The following PKIB variants were observed in gnomAD, a reference collection of about 807,000 sequenced individuals.
PKIB encodes cAMP-dependent protein kinase inhibitor beta, also known as PKI-beta.
PKIB carries 2 observed loss-of-function variants against 4.5 expected under a neutral mutation model. The ratio of observed to expected loss-of-function variants is 0.44; its 90% CI spans 0.18 to 1.39. The LOEUF is 1.39. Ranked by LOEUF, PKIB falls within the 40% of genes most tolerant of loss-of-function variation. The pLI is 0.27. For missense variants in PKIB, 94 were observed against 92.6 expected (o/e 1.02, Z -0.06); for synonymous variants, 38 against 36.0 (o/e 1.06, Z -0.20).
At chr6:122,671,294 A>C (rs1182891146) in intron 2 of PKIB, among the ~76,000 whole-genome samples, 1 of 151,982 alleles carries the variant, frequency 6.6e-6, no homozygotes, top group East Asian at 1.9e-4. Context: ...CTGTCTCAAA[A>C]AAAAAAAAAA....
At position 122,542,200 on chromosome 6, in the gene PKIB, G is replaced by T. The variant is rs534929486; in HGVS notation, c.-247-43721G>T. Among the ~76,000 whole-genome samples the T allele has an allele frequency of 1.8e-3, 270 of 152,160 alleles. 1 individual carries two copies. Among genetic ancestry groups the T allele is most frequent in the Non-Finnish European group, 3.2e-3 (215 of 68,028 alleles). On this transcript the variant is annotated intron_variant, in intron 2 of 6. Coordinates refer to the PKIB transcript ENST00000392491. ...TCTCAACTCGTCAAAGTCATTGTCT[G>T]TCCAGCTTTGTTCTGTTGCTGGTGA...
intron 2 of PKIB, among the ~76,000 whole-genome samples, chr6:122,509,255 A>G (rs960621026): frequency 2.0e-5 from 3 of 152,098 alleles, no homozygotes; most frequent in Non-Finnish European, 2.9e-5. Context: ...GAACTGGAAA[A>G]TTTTATTTAG....
In PKIB at chr6:122,548,082, G is replaced by A. The variant is rs111478188; in HGVS notation, c.-247-37839G>A. On this transcript the variant is annotated intron_variant, in intron 2 of 6. Coordinates refer to the PKIB transcript ENST00000392491. ...TTTATACATAAGTTTTGGGCATACA[G>A]ATTTGATTCACCGGTTTGGCACACA... 5.6e-4 allele frequency among the ~76,000 whole-genome samples: 86 copies of A among 152,306 alleles called. 1 individual carries two copies. The highest frequency in any genetic ancestry group is 3.4e-3 in the Middle Eastern group (1 of 294).
chr6:122,577,287 T>A (rs140832022), intron 2 of PKIB, among the ~76,000 whole-genome samples: 33 of 152,272 alleles, frequency 2.2e-4, no homozygotes, highest in African/African-American at 7.9e-4. Flanking sequence ...AAAAAAAGTA[T>A]GTGGAATAAT....
intron 2 of PKIB, among the ~76,000 whole-genome samples, chr6:122,651,263 T>C (rs1361439239): frequency 6.6e-6 from 1 of 152,238 alleles, no homozygotes; most frequent in Non-Finnish European, 1.5e-5. Context: ...CATTTACGTA[T>C]TCCCCAGATT....
At chr6:122,718,929 G>C (rs1779612926) in intron 4 of PKIB, among the ~76,000 whole-genome samples, 1 of 151,950 alleles carries the variant, frequency 6.6e-6, no homozygotes, top group Non-Finnish European at 1.5e-5. Flanking sequence ...TTTCTCATAT[G>C]CAACACTATA....
In PKIB at chr6:122,697,819, A is replaced by C. The variant is rs575779805; in HGVS notation, c.-8-19968A>C. ...GAGACATAAAATGAGTGCCTTGGTA[A>C]CAATCTAGTGTCTAAAACTGCAAAT... On this transcript the variant is annotated intron_variant, in intron 3 of 4. Coordinates refer to ENST00000368452, the MANE Select transcript of PKIB (RefSeq NM_181795.3). Among the ~76,000 whole-genome samples, 10 of 152,278 alleles carry C rather than the reference A, an allele frequency of 6.6e-5. No individual in the cohort carries two copies. In the East Asian group the frequency reaches 1.7e-3, roughly 27 times the overall value.
intron 2 of PKIB, among the ~76,000 whole-genome samples, chr6:122,489,792 A>T (rs1323890617): frequency 6.6e-6 from 1 of 152,250 alleles, no homozygotes; most frequent in African/African-American, 2.4e-5. Flanking sequence ...GAAGAAAGAC[A>T]TGACAACTCA....
At chr6:122,680,620 C>G (rs1777861393) in intron 3 of PKIB, among the ~76,000 whole-genome samples, 1 of 152,110 alleles carries the variant, frequency 6.6e-6, no homozygotes, top group African/African-American at 2.4e-5. Context: ...GAGAATGGGA[C>G]TGCCAGACAG....
chr6:122,627,203 T>C (rs1775486717), intron 1 of PKIB, among the ~76,000 whole-genome samples: 1 of 150,522 alleles, frequency 6.6e-6, no homozygotes, highest in Non-Finnish European at 1.5e-5. Flanking sequence ...AGATTGTGCC[T>C]ACTGCACTCC....
chr6:122,606,398 C>A (rs1158034643), upstream of PKIB, among the ~76,000 whole-genome samples: 2 of 151,998 alleles, frequency 1.3e-5, no homozygotes, highest in Non-Finnish European at 2.9e-5. Flanking sequence ...CATGGTGAAA[C>A]CCCGTCTCTG....
intron 2 of PKIB, among the ~76,000 whole-genome samples, chr6:122,659,366 A>G (rs7752438): frequency 0.29 from 44,477 of 152,110 alleles, 7,125 homozygotes; most frequent in Middle Eastern, 0.36. Context: ...TGTTTCCCTC[A>G]GAGATTATGC....
At chr6:122,506,508 A>T (rs982101062) in intron 2 of PKIB, among the ~76,000 whole-genome samples, 22 of 152,114 alleles carry the variant, frequency 1.4e-4, no homozygotes, top group African/African-American at 5.3e-4. Context: ...GGCCCAAATT[A>T]TGGGAAACTG....
chr6:122,484,742 G>T (rs1239757572), intron 2 of PKIB, among the ~76,000 whole-genome samples: 1 of 152,076 alleles, frequency 6.6e-6, no homozygotes, highest in African/African-American at 2.4e-5. Context: ...ATCACATCCC[G>T]TGGATCATCA....
chr6:122,677,545 T>C (rs1777719505), intron 3 of PKIB, among the ~76,000 whole-genome samples: 2 of 152,204 alleles, frequency 1.3e-5, no homozygotes, highest in South Asian at 2.1e-4. Flanking sequence ...AGTGCATACA[T>C]TGAGATTGAC....
chr6:122,673,972 A>G (rs1030503712), intron 2 of PKIB, among the ~76,000 whole-genome samples: 1 of 152,160 alleles, frequency 6.6e-6, no homozygotes, highest in African/African-American at 2.4e-5. Flanking sequence ...AGAAGAGATG[A>G]AGAAGATATA....
chr6:122,544,164 T>G (rs1044238416), intron 2 of PKIB, among the ~76,000 whole-genome samples: 1 of 151,902 alleles, frequency 6.6e-6, no homozygotes, highest in Non-Finnish European at 1.5e-5. Flanking sequence ...AAAGAAAATT[T>G]AAAAGTATAT....
At chr6:122,513,011 C>G (rs150921837) in intron 2 of PKIB, among the ~76,000 whole-genome samples, 66 of 152,300 alleles carry the variant, frequency 4.3e-4, no homozygotes, top group African/African-American at 1.5e-3. Flanking sequence ...GTCAGCATCT[C>G]TGTTTGAATG....
chr6:122,480,516 T>C (rs1429097783), intron 2 of PKIB: 1 of 152,218 alleles, frequency 6.6e-6, no homozygotes, highest in African/African-American at 2.4e-5. Context: ...TAAATAATGC[T>C]TCAGGTACTT....
Sources: gnomAD v4.1 joint callset for allele counts (sites outside exome capture counted in the v4.1 genomes callset) on GRCh38, gnomAD v4.1.1 for gene constraint, MANE v1.5 for transcripts, NCBI Gene and HGNC (gene_info 2026-07-23, HGNC 2026-07-21) for gene names.